The following DEPDC1B variants were observed in gnomAD, a reference collection of about 807,000 sequenced individuals.
The protein encoded by DEPDC1B is DEP domain-containing protein 1B.
DEPDC1B carries 51 observed loss-of-function variants against 66.5 expected under a neutral mutation model. The ratio of observed to expected loss-of-function variants is 0.77; its 90% CI spans 0.61 to 0.97. The LOEUF is 0.97. Among genes scored for constraint, DEPDC1B ranks in the 50% least tolerant of loss-of-function variants. DEPDC1B has a pLI of 0.00. For synonymous variants in DEPDC1B, 226 were observed against 223.6 expected (o/e 1.01, Z -0.10); for missense variants, 552 against 637.1 (o/e 0.87, Z 1.44).
chr5:60,627,350 A>G (rs1445800226), intron 7 of DEPDC1B, among the ~76,000 whole-genome samples: 1 of 152,140 alleles, frequency 6.6e-6, no homozygotes, highest in Non-Finnish European at 1.5e-5. Flanking sequence ...ACCCTTCAAG[A>G]TCATAAACTA....
intron 7 of DEPDC1B, among the ~76,000 whole-genome samples, chr5:60,615,641 C>T (rs1032079827): frequency 1.4e-4 from 21 of 152,312 alleles, no homozygotes; most frequent in African/African-American, 3.6e-4. Context: ...GTAAAGCAGC[C>T]GGGAAGCTTG....
At chr5:60,650,353 T>C (rs1753416600) in intron 2 of DEPDC1B, among the ~76,000 whole-genome samples, 1 of 152,174 alleles carries the variant, frequency 6.6e-6, no homozygotes. Context: ...AGACCATAGT[T>C]CCTCAAGCTC....
At chr5:60,606,039 C>T (rs1752302481) in intron 7 of DEPDC1B, among the ~76,000 whole-genome samples, 183 bp from the exon 8 acceptor site, 1 of 152,008 alleles carries the variant, frequency 6.6e-6, no homozygotes, top group Non-Finnish European at 1.5e-5. Flanking sequence ...AAATACAAAC[C>T]ATCAACCAGG....
At chr5:60,687,632 T>C (rs532477797) in intron 1 of DEPDC1B, 1 of 155,342 alleles carries the variant, frequency 6.4e-6, no homozygotes, top group Admixed American at 6.5e-5. Context: ...TTCAAGCAAT[T>C]CTCCTGCCTC....
intron 2 of DEPDC1B, among the ~76,000 whole-genome samples, chr5:60,668,431 C>T (rs1028109610): frequency 2.6e-5 from 4 of 151,238 alleles, no homozygotes; most frequent in Non-Finnish European, 1.5e-5. Context: ...TGTTCCACCA[C>T]GCCTGGCTAA....
chr5:60,647,363 T>G (rs1421449982), intron 3 of DEPDC1B, 35 bp downstream of exon 3: 1 of 1,560,946 alleles, frequency 6.4e-7, no homozygotes, highest in African/African-American at 1.4e-5. Context: ...TTCTCCCTGC[T>G]GCCAGCCCTT....
At chr5:60,690,140 A>G (rs1754509162) in intron 1 of DEPDC1B, among the ~76,000 whole-genome samples, 1 of 152,174 alleles carries the variant, frequency 6.6e-6, no homozygotes, top group African/African-American at 2.4e-5. Flanking sequence ...TTTTCAGAGA[A>G]AGCATTTATA....
At chr5:60,620,477 A>G (rs1752676690) in intron 7 of DEPDC1B, among the ~76,000 whole-genome samples, 1 of 152,244 alleles carries the variant, frequency 6.6e-6, no homozygotes, top group Non-Finnish European at 1.5e-5. Context: ...CAAGTAGGCG[A>G]AGGATATGAA....
In DEPDC1B at chr5:60,645,488, A is replaced by G. The variant is rs776776565; in HGVS notation, c.578+4T>C. On this transcript the variant is annotated splice_donor_region_variant and intron_variant, in intron 4 of 10. Coordinates refer to ENST00000265036, the MANE Select transcript of DEPDC1B (RefSeq NM_018369.3). ...AATTTCTCATTAATATCAAATGTAC[A>G]TACTATGATAATGTCATAGACTTCC... 1 of 1,603,058 alleles carries G rather than the reference A, an allele frequency of 6.2e-7. No homozygotes were observed. Among genetic ancestry groups the G allele is most frequent in the African/African-American group, 1.3e-5 (1 of 74,488 alleles).
At chr5:60,613,830 A>ATG (rs1752476538) in intron 7 of DEPDC1B, among the ~76,000 whole-genome samples, 1 of 63,160 alleles carries the variant, frequency 1.6e-5, no homozygotes, top group Non-Finnish European at 3.2e-5. Flanking sequence ...GTGTGTGTGT[A>ATG]TACATAAAAA....
rs1011101483 is a variant in DEPDC1B, at chr5:60,677,274, T to A, written c.314+9688A>T. Among the ~76,000 whole-genome samples, 23 of 148,816 alleles carry A rather than the reference T, an allele frequency of 1.5e-4. 2 individuals carry two copies. Among genetic ancestry groups the A allele is most frequent in the East Asian group, 1.2e-3 (6 of 4,952 alleles). On this transcript the variant is annotated intron_variant, in intron 2 of 10. Transcript: ENST00000265036. ...TAAATACTGTCTTGATTCTGCTAAG[T>A]AGCAGAATCTTTTTCATACAGACAC...
chr5:60,679,635 A>G (rs574774976), intron 2 of DEPDC1B, among the ~76,000 whole-genome samples: 2 of 152,152 alleles, frequency 1.3e-5, no homozygotes, highest in African/African-American at 2.4e-5. Context: ...AATCCCCACC[A>G]TCTGAGCTGT....
intron 8 of DEPDC1B, 21 bp from the exon 9 acceptor site, chr5:60,603,588 G>A (rs374736091): frequency 3.2e-6 from 5 of 1,559,148 alleles, no homozygotes; most frequent in South Asian, 1.2e-5. Context: ...AGCGGGGTGG[G>A]GGGTAAACGC....
At chr5:60,662,617 T>C (rs933765000) in intron 2 of DEPDC1B, among the ~76,000 whole-genome samples, 1 of 152,126 alleles carries the variant, frequency 6.6e-6, no homozygotes, top group Non-Finnish European at 1.5e-5. Flanking sequence ...AGGGCTTTCT[T>C]TCAGTGCAGC....
chr5:60,659,630 T>G (rs1584075000), intron 2 of DEPDC1B, among the ~76,000 whole-genome samples: 1 of 152,180 alleles, frequency 6.6e-6, no homozygotes, highest in South Asian at 2.1e-4. Flanking sequence ...GCCAGAAGTC[T>G]CTATTCAACC....
chr5:60,691,855 C>G (rs6874072), intron 1 of DEPDC1B, among the ~76,000 whole-genome samples: 86,381 of 151,968 alleles, frequency 0.57, 24,852 homozygotes, highest in East Asian at 0.77. Context: ...CAAAACATTT[C>G]AAGTCAAGAT....
At position 60,687,242 on chromosome 5, in the gene DEPDC1B, G is replaced by C. The variant is rs1190474023; in HGVS notation, c.49-15C>G. The C allele has an allele frequency of 6.3e-7, 1 of 1,593,134 alleles. No homozygotes were observed. The highest frequency in any genetic ancestry group is 1.7e-5 in the Admixed American group (1 of 58,272). ...GTCTCATTCCACTAGGGGAAAGAAA[G>C]AGAATGGCATTTAGTAATCAACTGA... On this transcript the variant is annotated splice_polypyrimidine_tract_variant and intron_variant, in intron 1 of 10. Transcript: ENST00000265036.
At chr5:60,601,576 AT>A (rs1752199838) in intron 9 of DEPDC1B, among the ~76,000 whole-genome samples, 1 of 152,226 alleles carries the variant, frequency 6.6e-6, no homozygotes, top group Non-Finnish European at 1.5e-5. Context: ...GCCAAAAAAA[AT>A]CTACCTTTAA....
chr5:60,663,197 G>A (rs900686210), intron 2 of DEPDC1B, among the ~76,000 whole-genome samples: 5 of 152,134 alleles, frequency 3.3e-5, no homozygotes, highest in Admixed American at 6.5e-5. Flanking sequence ...CAATATGGAT[G>A]AGCAAACAAT....
Sources: gnomAD v4.1 joint callset for allele counts (sites outside exome capture counted in the v4.1 genomes callset) on GRCh38, gnomAD v4.1.1 for gene constraint, MANE v1.5 for transcripts, NCBI Gene and HGNC (gene_info 2026-07-23, HGNC 2026-07-21) for gene names.